The following AGAP1 variants were observed in gnomAD, a reference collection of about 807,000 sequenced individuals.
The protein encoded by AGAP1 is arf-GAP with GTPase, ANK repeat and PH domain-containing protein 1.
AGAP1 carries 29 observed loss-of-function variants against 105.3 expected under a neutral mutation model. The ratio of observed to expected loss-of-function variants is 0.28; its 90% CI spans 0.21 to 0.38. The LOEUF is 0.38. Among genes scored for constraint, AGAP1 ranks in the 10% least tolerant of loss-of-function variants. The probability of loss-of-function intolerance (pLI) is 1.00; values close to 1 mark genes in which losing one functional copy is unlikely to be tolerated. For synonymous variants in AGAP1, 509 were observed against 485.9 expected (o/e 1.05, Z -0.63); for missense variants, 998 against 1,165.1 (o/e 0.86, Z 2.09).
chr2:235,655,875 G>C lies in AGAP1; in HGVS notation c.164-53304G>C, dbSNP rs772980579. ...TCCTGGATGCTGGGGAAGAATCTTTGTTGGAATATGACCCTGGGTTTTGTA... is the reference window on the plus strand; with the variant it reads ...TCCTGGATGCTGGGGAAGAATCTTTCTTGGAATATGACCCTGGGTTTTGTA... On this transcript the variant is annotated intron_variant, in intron 1 of 17. Coordinates refer to ENST00000304032, the MANE Select transcript of AGAP1 (RefSeq NM_001037131.3). This position sits in a 1 kb window ranked among gnomAD's most constrained non-coding sequence, Gnocchi z 4.3. Among the ~76,000 whole-genome samples the C allele has an allele frequency of 4.6e-5, 7 of 152,202 alleles. No homozygotes were observed. Among genetic ancestry groups the C allele is most frequent in the Non-Finnish European group, 1.0e-4 (7 of 68,040 alleles).
intron 3 of AGAP1, among the ~76,000 whole-genome samples, chr2:235,722,868 A>G (rs1302823325): frequency 6.6e-6 from 1 of 151,542 alleles, no homozygotes; most frequent in African/African-American, 2.4e-5. Context: ...AAAATACACT[A>G]ACACTAACAA....
intron 1 of AGAP1, among the ~76,000 whole-genome samples, chr2:235,520,342 T>G (rs192582701): frequency 1.3e-5 from 2 of 152,344 alleles, no homozygotes; most frequent in East Asian, 3.9e-4. Context: ...TGGTGGAGAC[T>G]TCTTCTGAAA....
intron 9 of AGAP1, among the ~76,000 whole-genome samples, chr2:235,841,312 G>T (rs1484051401): frequency 1.3e-5 from 2 of 152,180 alleles, no homozygotes; most frequent in Non-Finnish European, 2.9e-5. Context: ...GGAAACCCTA[G>T]AGTAGACGTA....
At chr2:235,560,525 C>G (rs1171836687) in intron 1 of AGAP1, among the ~76,000 whole-genome samples, 1 of 151,966 alleles carries the variant, frequency 6.6e-6, no homozygotes, top group Non-Finnish European at 1.5e-5. Context: ...CTTGTGGGCT[C>G]AAGGTAATTA....
intron 1 of AGAP1, among the ~76,000 whole-genome samples, chr2:235,501,800 A>G (rs1255052705): frequency 6.6e-6 from 1 of 152,046 alleles, no homozygotes; most frequent in African/African-American, 2.4e-5. Flanking sequence ...CCAATCCTCC[A>G]GCCTTCACGT....
Position 236,082,194 on chromosome 2 carries a change from G to T in AGAP1, c.2114+32913G>T, listed in dbSNP as rs991539678. On this transcript the variant is annotated intron_variant, in intron 16 of 17. Coordinates refer to ENST00000304032, the MANE Select transcript of AGAP1 (RefSeq NM_001037131.3). The surrounding 1 kb of genome is among the most constrained non-coding windows in gnomAD (Gnocchi z 4.2). Reference sequence around the variant, plus strand: ...ACAAACCTATCATTTTTCACCACGGGATATTTACAGCTTCAATCAGTGCCA... The same window carrying T: ...ACAAACCTATCATTTTTCACCACGGTATATTTACAGCTTCAATCAGTGCCA... Among the ~76,000 whole-genome samples the T allele has an allele frequency of 1.3e-5, 2 of 152,156 alleles. No individual in the cohort carries two copies. The highest frequency in any genetic ancestry group is 1.3e-4 in the Admixed American group (2 of 15,278).
chr2:236,033,177 G>A (rs934918526), intron 13 of AGAP1, among the ~76,000 whole-genome samples: 8 of 152,100 alleles, frequency 5.3e-5, no homozygotes, highest in Admixed American at 2.6e-4. Context: ...CTTGGGAGGC[G>A]GAGGTTGCAG....
chr2:235,573,935 T>A (rs1944654321), intron 1 of AGAP1, among the ~76,000 whole-genome samples: 1 of 152,244 alleles, frequency 6.6e-6, no homozygotes, highest in African/African-American at 2.4e-5. Flanking sequence ...CCCAGCGGGT[T>A]GGCATTCTGT....
Position 235,782,822 on chromosome 2 carries a change from A to G in AGAP1, c.674-14937A>G, listed in dbSNP as rs1451223002. Among the ~76,000 whole-genome samples, 2 of 152,162 alleles carry G rather than the reference A, an allele frequency of 1.3e-5. 1 individual carries two copies. The highest frequency in any genetic ancestry group is 4.1e-4 in the South Asian group (2 of 4,828). On this transcript the variant is annotated intron_variant, in intron 6 of 17. Transcript: ENST00000304032. ...ATTGAGGAAACCGTATTGCATGCCT[A>G]ATTTTCACAGCGTTCAGTATTAAGG...
At chr2:235,564,187 C>G (rs1161296979) in intron 1 of AGAP1, among the ~76,000 whole-genome samples, 1 of 152,164 alleles carries the variant, frequency 6.6e-6, no homozygotes, top group East Asian at 1.9e-4. Flanking sequence ...CCATCGAATC[C>G]TAAAGTGATC....
At chr2:236,116,748 C>G (rs976659095) in intron 16 of AGAP1, among the ~76,000 whole-genome samples, 1 of 150,578 alleles carries the variant, frequency 6.6e-6, no homozygotes, top group Non-Finnish European at 1.5e-5. Context: ...CCCTCGCCCC[C>G]CTCCCACTCT....
intron 9 of AGAP1, among the ~76,000 whole-genome samples, chr2:235,819,112 CTTTTCT>C (rs1559525527): frequency 3.7e-5 from 5 of 134,856 alleles, no homozygotes; most frequent in Non-Finnish European, 6.5e-5. Flanking sequence ...CTTTTCTTTT[CTTTTCT>C]TTTTTTTTTT....
At chr2:235,757,073 A>T (rs1953988130) in intron 6 of AGAP1, among the ~76,000 whole-genome samples, 1 of 152,158 alleles carries the variant, frequency 6.6e-6, no homozygotes, top group East Asian at 1.9e-4. Flanking sequence ...CCCCACCAAA[A>T]CGTCAGCGTC....
At position 235,550,621 on chromosome 2, in the gene AGAP1, C is replaced by T. The variant is rs1192254768; in HGVS notation, c.163+55772C>T. 2.6e-5 allele frequency among the ~76,000 whole-genome samples: 4 copies of T among 152,144 alleles called. No homozygotes were observed. Among genetic ancestry groups the T allele is most frequent in the African/African-American group, 9.7e-5 (4 of 41,424 alleles). On this transcript the variant is annotated intron_variant, in intron 1 of 17. Transcript: ENST00000304032. This position sits in a 1 kb window ranked among gnomAD's most constrained non-coding sequence, Gnocchi z 4.6. ...ACAGGTGTGTTTGCCGCAGAGGTGC[C>T]GAGGGCCCAGCAGGACTGTAGCACA...
Position 236,049,500 on chromosome 2 carries a change from G to T in AGAP1, c.2114+219G>T, listed in dbSNP as rs765522832. 474 of 483,496 alleles carry T rather than the reference G, an allele frequency of 9.8e-4. 1 individual carries two copies. The highest frequency in any genetic ancestry group is 7.7e-3 in the Middle Eastern group (14 of 1,820). 30.0% of individuals were successfully genotyped at this position (483,496 alleles called of 1,614,324 possible). ...ATTTTTTATGTTTGTTTTTAGGCCT[G>T]GGGATTTCTCTCCCCCCTCTTAGAA... On this transcript the variant is annotated intron_variant, in intron 16 of 17. Coordinates refer to ENST00000304032, the MANE Select transcript of AGAP1 (RefSeq NM_001037131.3).
rs2054585878 is a variant in AGAP1 at position 235,970,232 on chromosome 2, GATTTTTCT to G, written c.1645+1610_1645+1617del. ...AAAAAAAAAAAAAAAAAAAAAAGAC[GATTTTTCT>G]CATGTTGTGGGGAGTGAGGATAATC... On this transcript the variant is annotated intron_variant, in intron 13 of 17. Coordinates refer to ENST00000304032, the MANE Select transcript of AGAP1 (RefSeq NM_001037131.3). This position sits in a 1 kb window ranked among gnomAD's most constrained non-coding sequence, Gnocchi z 5.4. Among the ~76,000 whole-genome samples the G allele has an allele frequency of 3.4e-5, 5 of 145,884 alleles. No homozygotes were observed. The highest frequency in any genetic ancestry group is 1.5e-5 in the Non-Finnish European group (1 of 66,570).
rs1335460703 is a variant in AGAP1 at position 235,701,086 on chromosome 2, A to T, written c.164-8093A>T. On this transcript the variant is annotated intron_variant, in intron 1 of 17. Coordinates refer to ENST00000304032, the MANE Select transcript of AGAP1 (RefSeq NM_001037131.3). The surrounding 1 kb of genome is among the most constrained non-coding windows in gnomAD (Gnocchi z 4.1). ...TGCTATAATATAGTTATATGTATATATTATATACTCTATAATATAGTTATA... is the reference window on the plus strand; with the variant it reads ...TGCTATAATATAGTTATATGTATATTTTATATACTCTATAATATAGTTATA... 1.4e-5 allele frequency among the ~76,000 whole-genome samples: 2 copies of T among 145,112 alleles called. No individual in the cohort carries two copies. The highest frequency in any genetic ancestry group is 3.0e-5 in the Non-Finnish European group (2 of 67,084).
At chr2:235,952,217 G>A (rs2053766995) in intron 12 of AGAP1, among the ~76,000 whole-genome samples, 2 of 152,212 alleles carry the variant, frequency 1.3e-5, no homozygotes, top group Admixed American at 6.5e-5. Flanking sequence ...AGTTAGAGGT[G>A]AACCGCAGCC....
chr2:235,729,339 C>T lies in AGAP1; in HGVS notation c.311-11624C>T, dbSNP rs1031617792. ...AGCCACTTCAACTTGGGCAGCATCT[C>T]GGCTGGGAGCCCCAGGGAGCCTGGC... On this transcript the variant is annotated intron_variant, in intron 3 of 17. Coordinates refer to ENST00000304032, the MANE Select transcript of AGAP1 (RefSeq NM_001037131.3). The surrounding 1 kb of genome is among the most constrained non-coding windows in gnomAD (Gnocchi z 5.0). 3.9e-5 allele frequency among the ~76,000 whole-genome samples: 6 copies of T among 152,178 alleles called. No individual in the cohort carries two copies. Among genetic ancestry groups the T allele is most frequent in the East Asian group, 3.8e-4 (2 of 5,196 alleles).
Sources: gnomAD v4.1 joint callset for allele counts (sites outside exome capture counted in the v4.1 genomes callset) on GRCh38, gnomAD v4.1.1 for gene constraint, Gnocchi (gnomAD v3.1) non-coding constraint, MANE v1.5 for transcripts, NCBI Gene and HGNC (gene_info 2026-07-23, HGNC 2026-07-21) for gene names.